The following CFAP47 variants were observed in gnomAD, a reference collection of about 807,000 sequenced individuals.
CFAP47 encodes cilia and flagella associated protein 47.
Under a neutral mutation model 148.1 loss-of-function variants are expected in CFAP47, and 29 were observed. The ratio of observed to expected loss-of-function variants is 0.20; its 90% confidence interval spans 0.15 to 0.27. The LOEUF is 0.27. Among genes scored for constraint, CFAP47 ranks in the 10% least tolerant of loss-of-function variants. CFAP47 has a pLI of 1.00. For missense variants in CFAP47, 1,872 were observed against 1,697.5 expected (o/e 1.10, Z -1.81); for synonymous variants, 664 against 577.3 (o/e 1.15, Z -2.15).
chrX:36,062,456 T>C (rs1937602260), intron 26 of CFAP47, among the ~76,000 whole-genome samples: 1 of 111,563 alleles, frequency 9.0e-6, no homozygotes, highest in Admixed American at 9.6e-5. Context: ...ATTAGTGATG[T>C]GTGATTAGAG....
chrX:36,055,505 TC>T (rs1390963265), intron 26 of CFAP47, among the ~76,000 whole-genome samples: 2 of 111,955 alleles, frequency 1.8e-5, no homozygotes, highest in Non-Finnish European at 3.8e-5. Flanking sequence ...ATGATCTCCT[TC>T]CTTTTTGTGG....
intron 57 of CFAP47, among the ~76,000 whole-genome samples, chrX:36,338,877 C>T (rs1231547602): frequency 1.8e-5 from 2 of 111,757 alleles, no homozygotes; most frequent in Non-Finnish European, 3.8e-5. Flanking sequence ...ATCACAGAGA[C>T]CTTCCTGGAA....
At chrX:36,286,319 T>A (rs1372885100) in intron 51 of CFAP47, among the ~76,000 whole-genome samples, 2 of 111,114 alleles carry the variant, frequency 1.8e-5, no homozygotes, top group African/African-American at 6.5e-5. Flanking sequence ...TACTCAAATA[T>A]TTAAATTGAT....
intron 41 of CFAP47, among the ~76,000 whole-genome samples, chrX:36,189,714 T>A (rs1200062497): frequency 8.9e-6 from 1 of 112,351 alleles, no homozygotes; most frequent in African/African-American, 3.2e-5. Flanking sequence ...CCAGTTTAAG[T>A]TATCCATTGT....
chrX:36,366,902 G>T (rs1556020369), intron 61 of CFAP47, 64 bp from the exon 62 acceptor site: 2 of 722,749 alleles, frequency 2.8e-6, no homozygotes, highest in African/African-American at 4.4e-5. Context: ...AGTTTAGTTT[G>T]CTATATTTAT....
chrX:36,058,946 C>T (rs756460983), intron 26 of CFAP47, among the ~76,000 whole-genome samples: 2 of 112,162 alleles, frequency 1.8e-5, no homozygotes, highest in Non-Finnish European at 3.8e-5. Context: ...AACAAATATT[C>T]TTTCGGATTG....
At chrX:35,992,852 A>G (rs1056154569) in intron 17 of CFAP47, among the ~76,000 whole-genome samples, 1 of 111,011 alleles carries the variant, frequency 9.0e-6, no homozygotes, top group East Asian at 2.8e-4. Context: ...ACAGACTCTC[A>G]AAAGTAGTAT....
chrX:36,379,661 C>T, intron 63 of CFAP47, 143 bp downstream of exon 63: 1 of 487,417 alleles, frequency 2.1e-6, no homozygotes, highest in South Asian at 3.4e-5. Flanking sequence ...TCAACTGCTA[C>T]ATCTTGGTTT....
intron 40 of CFAP47, among the ~76,000 whole-genome samples, chrX:36,182,828 A>C (rs1269580953): frequency 8.9e-6 from 1 of 112,606 alleles, no homozygotes; most frequent in South Asian, 3.6e-4. Flanking sequence ...GTTTTCCTCT[A>C]CTTAGGCTCA....
intron 1 of CFAP47, among the ~76,000 whole-genome samples, chrX:35,924,010 AATATATATGCAC>A (rs1379912324): frequency 0.068 from 6,115 of 90,251 alleles, 344 homozygotes; most frequent in East Asian, 0.11. Context: ...TATATGTGTA[AATATATATGCAC>A]ATATATATGC....
At chrX:36,309,741 T>A (rs1941378618) in intron 55 of CFAP47, among the ~76,000 whole-genome samples, 1 of 111,481 alleles carries the variant, frequency 9.0e-6, no homozygotes, top group Non-Finnish European at 1.9e-5. Flanking sequence ...TTTTATAAAA[T>A]ATCCAAATAG....
chrX:36,091,084 CA>C (rs1348924619), intron 30 of CFAP47, among the ~76,000 whole-genome samples: 1 of 111,466 alleles, frequency 9.0e-6, no homozygotes, highest in Non-Finnish European at 1.9e-5. Context: ...TTGTCTTGTG[CA>C]CTGATGAAGT....
rs370568459 is a variant in CFAP47 at position 36,065,174 on chromosome X, T to C, written c.4218-469T>C. On this transcript the variant is annotated intron_variant, in intron 26 of 63. Coordinates refer to ENST00000378653, the MANE Select transcript of CFAP47 (RefSeq NM_001304548.2). ...TTGAAGAACTGTAATGGGGTTCAGA[T>C]TGTAGGTTTTCTTCTATGTTGGGCT... Among the ~76,000 whole-genome samples the C allele has an allele frequency of 5.7e-4, 64 of 111,493 alleles. 1 individual carries two copies. The highest frequency in any genetic ancestry group is 1.9e-3 in the African/African-American group (58 of 30,731).
intron 29 of CFAP47, among the ~76,000 whole-genome samples, chrX:36,082,296 C>T (rs1937997998): frequency 9.0e-6 from 1 of 110,875 alleles, no homozygotes; most frequent in African/African-American, 3.3e-5. Context: ...TGACTTTGGG[C>T]ATCAGTCTGT....
chrX:36,185,952 G>A (rs1555985538), intron 40 of CFAP47, among the ~76,000 whole-genome samples: 6 of 111,624 alleles, frequency 5.4e-5, no homozygotes, highest in African/African-American at 2.0e-4. Context: ...CACATTGGTG[G>A]TTAGGATTTT....
rs782613606 is a variant in CFAP47 at position 36,361,761 on chromosome X, G to A, written c.9023+260G>A. On this transcript the variant is annotated intron_variant, in intron 61 of 63. Transcript: ENST00000378653. ...ATTAGTGTATCACATTAATGAAAGA[G>A]AATATTCTCTTCTGTAAAATCTTTT... 3.6e-5 allele frequency among the ~76,000 whole-genome samples: 4 copies of A among 111,600 alleles called. No homozygotes were observed. The South Asian group carries it at 1.1e-3, about 31-fold the overall frequency.
intron 15 of CFAP47, among the ~76,000 whole-genome samples, chrX:35,987,085 A>G (rs1936725960): frequency 8.9e-6 from 1 of 111,807 alleles, no homozygotes; most frequent in South Asian, 3.8e-4. Flanking sequence ...CACGAGGGTC[A>G]GAGACCCACT....
intron 45 of CFAP47, among the ~76,000 whole-genome samples, chrX:36,221,312 A>G (rs1555990762): frequency 8.9e-6 from 1 of 111,931 alleles, no homozygotes; most frequent in Non-Finnish European, 1.9e-5. Context: ...TTTAGGGACC[A>G]GGGTTGAATT....
chrX:36,016,204 G>A (rs1937094089), intron 22 of CFAP47, among the ~76,000 whole-genome samples: 1 of 110,211 alleles, frequency 9.1e-6, no homozygotes, highest in Non-Finnish European at 1.9e-5. Context: ...ATTATTGACT[G>A]TAGTCACCCT....
Sources: gnomAD v4.1 joint callset for allele counts (sites outside exome capture counted in the v4.1 genomes callset) on GRCh38, gnomAD v4.1.1 for gene constraint, MANE v1.5 for transcripts, NCBI Gene and HGNC (gene_info 2026-07-23, HGNC 2026-07-21) for gene names.